Variants in SAMMSON observed in about 807,000 individuals in gnomAD.
SAMMSON encodes the protein survival associated mitochondrial melanoma specific oncogenic non-coding RNA, also known as long intergenic non-protein coding RNA 1212.
chr3:70,368,293 G>A (rs1410499814), intron 9 of SAMMSON, among the ~76,000 whole-genome samples: 1 of 151,290 alleles, frequency 6.6e-6, no homozygotes, highest in African/African-American at 2.4e-5. Context: ...GGTTTTTAAT[G>A]ATATTAAAAA....
At chr3:70,009,159 G>T (rs957386822) in intron 1 of SAMMSON, 1 of 152,216 alleles carries the variant, frequency 6.6e-6, no homozygotes. Context: ...CTCATAAAAT[G>T]AGTGAGGGAG....
At chr3:70,027,412 G>A (rs749345058) in intron 3 of SAMMSON, among the ~76,000 whole-genome samples, 4 of 152,150 alleles carry the variant, frequency 2.6e-5, no homozygotes, top group Non-Finnish European at 5.9e-5. Flanking sequence ...AGCAAGAGGT[G>A]GACTAAATTA....
At chr3:70,411,160 A>C (rs1392544599) in intron 2 of SAMMSON, among the ~76,000 whole-genome samples, 1 of 152,238 alleles carries the variant, frequency 6.6e-6, no homozygotes, top group Non-Finnish European at 1.5e-5. Context: ...TAGCACTTTA[A>C]AGCCAACAGA....
At chr3:70,273,941 C>T (rs1481366509) in intron 6 of SAMMSON, among the ~76,000 whole-genome samples, 2 of 152,072 alleles carry the variant, frequency 1.3e-5, no homozygotes, top group East Asian at 1.9e-4. Context: ...CAGCCACAGG[C>T]ACACAGCACT....
intron 4 of SAMMSON, among the ~76,000 whole-genome samples, chr3:70,211,224 T>A (rs1701341363): frequency 6.6e-6 from 1 of 151,710 alleles, no homozygotes; most frequent in Non-Finnish European, 1.5e-5. Context: ...TCACTTCCTT[T>A]CCTTTCCCTT....
intron 4 of SAMMSON, among the ~76,000 whole-genome samples, chr3:70,155,373 A>G (rs2067587980): frequency 6.6e-6 from 1 of 152,010 alleles, no homozygotes; most frequent in African/African-American, 2.4e-5. Context: ...CTGGGCCATA[A>G]TGGAAGATGG....
At chr3:70,207,819 T>C (rs1701306339) in intron 4 of SAMMSON, among the ~76,000 whole-genome samples, 1 of 152,004 alleles carries the variant, frequency 6.6e-6, no homozygotes, top group Admixed American at 6.6e-5. Flanking sequence ...GACCTGAGCA[T>C]CTGAAAATTT....
chr3:70,051,183 T>G (rs2067144791), intron 3 of SAMMSON, among the ~76,000 whole-genome samples: 1 of 139,214 alleles, frequency 7.2e-6, no homozygotes, highest in South Asian at 2.4e-4. Context: ...ATACAGCAGA[T>G]TGTTAGAGAA....
chr3:70,021,633 G>A (rs534197703), intron 3 of SAMMSON, among the ~76,000 whole-genome samples: 1 of 152,182 alleles, frequency 6.6e-6, no homozygotes, highest in African/African-American at 2.4e-5. Flanking sequence ...ATCATTTTCA[G>A]TGGAACGGCT....
intron 4 of SAMMSON, among the ~76,000 whole-genome samples, chr3:70,221,348 C>G (rs11712898): frequency 6.6e-6 from 1 of 151,930 alleles, no homozygotes; most frequent in African/African-American, 2.4e-5. Flanking sequence ...AGTTATTATA[C>G]GTTCAATTTT....
At chr3:70,383,584 G>A (rs975048676) in intron 9 of SAMMSON, among the ~76,000 whole-genome samples, 2 of 151,912 alleles carry the variant, frequency 1.3e-5, no homozygotes, top group African/African-American at 4.8e-5. Context: ...TTACCACTCA[G>A]AAATTCCTCC....
At chr3:70,130,234 A>G (rs1210364424) in intron 4 of SAMMSON, among the ~76,000 whole-genome samples, 3 of 152,214 alleles carry the variant, frequency 2.0e-5, no homozygotes, top group African/African-American at 7.2e-5. Flanking sequence ...GAGCAGCTGT[A>G]AGTCAAAGAA....
chr3:70,076,044 A>G (rs1559786185), intron 4 of SAMMSON, among the ~76,000 whole-genome samples: 1 of 151,770 alleles, frequency 6.6e-6, no homozygotes, highest in Non-Finnish European at 1.5e-5. Context: ...GCAAATTCGG[A>G]GAGTTTAGAA....
intron 4 of SAMMSON, among the ~76,000 whole-genome samples, chr3:70,247,194 G>A (rs1201142157): frequency 6.6e-6 from 1 of 151,790 alleles, no homozygotes; most frequent in Non-Finnish European, 1.5e-5. Context: ...ACTTCCCTGT[G>A]TTTTCAGACA....
At chr3:70,371,134 G>A (rs909219628) in intron 9 of SAMMSON, among the ~76,000 whole-genome samples, 3 of 151,828 alleles carry the variant, frequency 2.0e-5, no homozygotes, top group African/African-American at 7.3e-5. Context: ...AAATATATGG[G>A]TTTATTTCTG....
intron 4 of SAMMSON, among the ~76,000 whole-genome samples, chr3:70,143,889 ACTT>A (rs1168081071): frequency 6.6e-6 from 1 of 152,000 alleles, no homozygotes; most frequent in Non-Finnish European, 1.5e-5. Context: ...CATATGATAA[ACTT>A]CTTATTTTGT....
chr3:70,020,914 C>T (rs2067010736), intron 3 of SAMMSON, among the ~76,000 whole-genome samples: 1 of 152,056 alleles, frequency 6.6e-6, no homozygotes, highest in Non-Finnish European at 1.5e-5. Context: ...AAGCAAGTTT[C>T]TTAGTGCCAG....
chr3:70,391,639 T>A (rs1476893856), downstream of SAMMSON, among the ~76,000 whole-genome samples: 1 of 152,168 alleles, frequency 6.6e-6, no homozygotes, highest in Non-Finnish European at 1.5e-5. Context: ...TCTTCCTATT[T>A]TAATAATTAA....
At chr3:70,184,049 C>T (rs1330859447) in intron 4 of SAMMSON, 1 of 152,132 alleles carries the variant, frequency 6.6e-6, no homozygotes, top group Non-Finnish European at 1.5e-5. Context: ...CTATTTGAAG[C>T]AGTGTGGTTG....
Sources: allele counts gnomAD v4.1 joint callset (sites outside exome capture counted in the v4.1 genomes callset), GRCh38; gene constraint gnomAD v4.1.1; transcripts MANE v1.5; gene names NCBI Gene and HGNC (gene_info 2026-07-23, HGNC 2026-07-21).